Variants in CNIH3 observed in about 807,000 individuals in gnomAD.
The protein encoded by CNIH3 is protein cornichon homolog 3.
Under a neutral mutation model 24.1 loss-of-function variants are expected in CNIH3, and 14 were observed. That is an observed-to-expected ratio of 0.58 (90% CI 0.38 to 0.91). CNIH3 has a LOEUF of 0.91. CNIH3 is among the 40% of genes least tolerant of loss of function. CNIH3 has a pLI of 0.00. For synonymous variants in CNIH3, 68 were observed against 73.8 expected (o/e 0.92, Z 0.40); for missense variants, 178 against 196.8 (o/e 0.90, Z 0.57).
At chr1:224,611,474 T>TTAA (rs1308464746), upstream of CNIH3, 1 of 152,172 alleles carries the variant, frequency 6.6e-6, no homozygotes, top group African/African-American at 2.4e-5. Context: ...CCTGGTAGAG[T>TTAA]GGCTTGATCA....
chr1:224,654,371 G>T (rs1685003154), intron 1 of CNIH3, among the ~76,000 whole-genome samples: 1 of 152,204 alleles, frequency 6.6e-6, no homozygotes, highest in Non-Finnish European at 1.5e-5. Flanking sequence ...AACAGAGCAA[G>T]ACTCCATCTC....
intron 1 of CNIH3, among the ~76,000 whole-genome samples, chr1:224,631,773 C>T (rs947444315): frequency 6.6e-6 from 1 of 152,118 alleles, no homozygotes; most frequent in Admixed American, 6.5e-5. Flanking sequence ...ATGTATCTCT[C>T]CTGCTGGGGA....
intron 4 of CNIH3, chr1:224,574,595 C>A: frequency 1.2e-6 from 1 of 803,404 alleles, no homozygotes; most frequent in Non-Finnish European, 2.3e-6. Context: ...ATGAGAATGA[C>A]GTGGGGGTGG....
intron 4 of CNIH3, among the ~76,000 whole-genome samples, chr1:224,572,012 G>A (rs1680838873): frequency 1.3e-5 from 2 of 152,152 alleles, no homozygotes; most frequent in Admixed American, 6.5e-5. Context: ...GTGGGGGTTA[G>A]TGGGGCAAGT....
chr1:224,577,378 C>T (rs1681079205), intron 4 of CNIH3, among the ~76,000 whole-genome samples: 1 of 151,946 alleles, frequency 6.6e-6, no homozygotes, highest in South Asian at 2.1e-4. Context: ...ACCAAATAAT[C>T]CCATCAAAAA....
intron 1 of CNIH3, among the ~76,000 whole-genome samples, chr1:224,457,275 C>CTCTG (rs1272033015): frequency 5.9e-4 from 25 of 42,730 alleles, no homozygotes; most frequent in Middle Eastern, 9.1e-3. Flanking sequence ...CTCTCTCTCT[C>CTCTG]TGTGTGTGTG....
chr1:224,566,675 A>G (rs148013889), intron 4 of CNIH3, among the ~76,000 whole-genome samples: 124 of 152,304 alleles, frequency 8.1e-4, no homozygotes, highest in African/African-American at 2.8e-3. Context: ...AGCTTCATCC[A>G]TGTCCATGCA....
chr1:224,466,291 T>C (rs1009018474), intron 1 of CNIH3, among the ~76,000 whole-genome samples: 1 of 152,258 alleles, frequency 6.6e-6, no homozygotes, highest in Non-Finnish European at 1.5e-5. Context: ...GCCATTCTTC[T>C]GTTCTCCATC....
chr1:224,580,481 A>G (rs773473666), intron 4 of CNIH3, among the ~76,000 whole-genome samples: 5 of 152,192 alleles, frequency 3.3e-5, no homozygotes, highest in Non-Finnish European at 7.3e-5. Flanking sequence ...AAAGCGGAAA[A>G]GTGGGCAAAA....
chr1:224,535,333 G>T (rs1056361655), intron 2 of CNIH3, among the ~76,000 whole-genome samples: 1 of 151,930 alleles, frequency 6.6e-6, no homozygotes, highest in Non-Finnish European at 1.5e-5. Context: ...AGTGAGGAAG[G>T]CTCCTCCCCT....
Position 224,435,264 on chromosome 1 carries a change from A to G in CNIH3, n.203+402A>G, listed in dbSNP as rs1362049715. On this transcript the variant is annotated intron_variant and non_coding_transcript_variant, in intron 1 of 5. Coordinates refer to the CNIH3 transcript ENST00000471578. Reference sequence around the variant, plus strand: ...ACAGGGCTGTGGTAGGCCCCTCTCAATGGTAACCAGGACCGAAATCGGGTT... The same window carrying G: ...ACAGGGCTGTGGTAGGCCCCTCTCAGTGGTAACCAGGACCGAAATCGGGTT... 16 of 961,590 alleles carry G rather than the reference A, an allele frequency of 1.7e-5. No individual in the cohort carries two copies. In the Admixed American group the frequency reaches 3.1e-4, roughly 18 times the overall value. 59.6% of individuals were successfully genotyped at this position (961,590 alleles called of 1,614,324 possible).
At chr1:224,587,448 A>T (rs1681557686) in intron 5 of CNIH3, 1 of 152,134 alleles carries the variant, frequency 6.6e-6, no homozygotes, top group South Asian at 2.1e-4. Flanking sequence ...GCACAGAGAT[A>T]CCCTCTTGGG....
At chr1:224,582,698 G>A (rs1296670769) in intron 4 of CNIH3, among the ~76,000 whole-genome samples, 3 of 152,188 alleles carry the variant, frequency 2.0e-5, no homozygotes, top group African/African-American at 7.2e-5. Context: ...GAATCAGAAG[G>A]TGTTCCAAAT....
chr1:224,689,248 C>T (rs192783397), intron 3 of CNIH3, among the ~76,000 whole-genome samples: 59 of 152,212 alleles, frequency 3.9e-4, no homozygotes, highest in Middle Eastern at 3.4e-3. Flanking sequence ...ATAACAGGAC[C>T]GTGCTCATAG....
intron 1 of CNIH3, among the ~76,000 whole-genome samples, chr1:224,654,311 G>T (rs1401265418): frequency 6.6e-6 from 1 of 152,058 alleles, no homozygotes. Context: ...TGAACCCGGG[G>T]GTGGAGGTTG....
chr1:224,500,268 C>T (rs141966556), intron 1 of CNIH3, among the ~76,000 whole-genome samples: 437 of 152,272 alleles, frequency 2.9e-3, no homozygotes, highest in Middle Eastern at 6.8e-3. Flanking sequence ...CCACCTCAGC[C>T]TCCCAAAGTG....
At position 224,616,806 on chromosome 1, in the gene CNIH3, C is replaced by T. The variant is rs550203744; in HGVS notation, c.-369C>T. ...CTGGGGCGAATGGGACCTCCTCCCT[C>T]GGTCCTCCGTGGAGTCGTCGCATCG... On this transcript the variant is annotated 5_prime_UTR_variant, in exon 1 of 6. Transcript: ENST00000272133. The T allele has an allele frequency of 7.4e-6, 8 of 1,074,404 alleles. No individual in the cohort carries two copies. Among genetic ancestry groups the T allele is most frequent in the East Asian group, 7.0e-5 (1 of 14,288 alleles). The allele number at this position is 1,074,404 out of a possible 1,614,324, so 66.6% of individuals were successfully genotyped here.
intron 1 of CNIH3, among the ~76,000 whole-genome samples, chr1:224,620,282 A>G (rs1244766032): frequency 6.6e-6 from 1 of 152,246 alleles, no homozygotes; most frequent in Non-Finnish European, 1.5e-5. Context: ...GCAGATGAGG[A>G]AACTGGATCA....
chr1:224,658,925 C>G (rs1039163087), intron 1 of CNIH3, among the ~76,000 whole-genome samples: 8 of 152,108 alleles, frequency 5.3e-5, no homozygotes, highest in African/African-American at 1.9e-4. Flanking sequence ...CCTTTCATAA[C>G]CTTTTATAAT....
Sources: gnomAD v4.1 joint callset for allele counts (sites outside exome capture counted in the v4.1 genomes callset) on GRCh38, gnomAD v4.1.1 for gene constraint, MANE v1.5 for transcripts, NCBI Gene and HGNC (gene_info 2026-07-23, HGNC 2026-07-21) for gene names.